The following SOX5 variants were observed in gnomAD, a reference collection of about 807,000 sequenced individuals.
SOX5 encodes transcription factor SOX-5.
A neutral mutation model predicts 92.0 loss-of-function variants in SOX5; 9 were observed. That is an observed-to-expected ratio of 0.10 (90% confidence interval 0.06 to 0.17). The LOEUF is 0.17. SOX5 is among the 10% of genes least tolerant of loss of function. The pLI, the probability that SOX5 is intolerant of heterozygous loss-of-function variation, is 1.00. For missense variants in SOX5, 642 were observed against 944.5 expected, an observed-to-expected ratio of 0.68 and a Z score of 4.20; for synonymous variants, 344 against 336.3, an observed-to-expected ratio of 1.02 and a Z score of -0.25.
chr12:24,314,732 A>G (rs1396578654), intron 2 of SOX5, among the ~76,000 whole-genome samples: 1 of 152,184 alleles, frequency 6.6e-6, no homozygotes, highest in African/African-American at 2.4e-5. Flanking sequence ...ATTCTGCTCC[A>G]GGCACATGGA....
intron 13 of SOX5, among the ~76,000 whole-genome samples, chr12:23,541,278 A>ATGAT (rs1388711632): frequency 6.6e-6 from 1 of 152,176 alleles, no homozygotes; most frequent in Non-Finnish European, 1.5e-5. Context: ...GTTTTAATTA[A>ATGAT]TGATTATCAC....
intron 2 of SOX5, among the ~76,000 whole-genome samples, chr12:24,363,510 A>G (rs1428508290): frequency 6.6e-6 from 1 of 152,232 alleles, no homozygotes; most frequent in East Asian, 1.9e-4. Flanking sequence ...TACATGATAC[A>G]AAATATATAG....
At chr12:23,556,581 C>T (rs968399001) in intron 11 of SOX5, among the ~76,000 whole-genome samples, 2 of 152,158 alleles carry the variant, frequency 1.3e-5, no homozygotes, top group East Asian at 3.9e-4. Context: ...ATCTTATTTT[C>T]CTCCAGAAGG....
At chr12:24,456,040 T>C (rs1172809787) in intron 1 of SOX5, among the ~76,000 whole-genome samples, 1 of 152,166 alleles carries the variant, frequency 6.6e-6, no homozygotes, top group African/African-American at 2.4e-5. Context: ...GGCGAAAGTC[T>C]TACTCCTCAC....
chr12:24,220,442 C>A (rs544800855), intron 3 of SOX5, among the ~76,000 whole-genome samples: 1 of 150,476 alleles, frequency 6.6e-6, no homozygotes, highest in East Asian at 1.9e-4. Context: ...TTCAGAATTA[C>A]AGGAATTTTT....
chr12:24,182,180 T>C (rs1452083606), intron 4 of SOX5, among the ~76,000 whole-genome samples: 1 of 152,158 alleles, frequency 6.6e-6, no homozygotes, highest in Non-Finnish European at 1.5e-5. Flanking sequence ...GAATAAATAC[T>C]TTCCAAAAGG....
chr12:23,736,001 G>A (rs1334699409), intron 5 of SOX5, among the ~76,000 whole-genome samples: 2 of 152,068 alleles, frequency 1.3e-5, no homozygotes, highest in Non-Finnish European at 2.9e-5. Context: ...ATGCTGAATG[G>A]ATATCTAATA....
chr12:23,807,299 C>A (rs899241314), intron 3 of SOX5, among the ~76,000 whole-genome samples: 9 of 152,076 alleles, frequency 5.9e-5, no homozygotes, highest in African/African-American at 2.2e-4. Context: ...ATGAATGTAA[C>A]CTTACTTGGG....
intron 2 of SOX5, among the ~76,000 whole-genome samples, chr12:24,294,204 T>C (rs1340154037): frequency 6.6e-6 from 1 of 152,116 alleles, no homozygotes; most frequent in Non-Finnish European, 1.5e-5. Flanking sequence ...CTGGGACCTC[T>C]TGTAGGACAG....
At position 23,818,598 on chromosome 12, in the gene SOX5, T is replaced by C. The variant is rs143800447; in HGVS notation, c.481+27385A>G. Among the ~76,000 whole-genome samples, 54 of 152,262 alleles carry C rather than the reference T, an allele frequency of 3.5e-4. No individual in the cohort carries two copies. In the East Asian group the frequency reaches 0.01, roughly 29 times the overall value. ...TTAAATCTATAACAAATATTTTTCT[T>C]CAATAATGAATTAACCTTAGCTTAC... On this transcript the variant is annotated intron_variant, in intron 3 of 14. Transcript: ENST00000451604.
intron 3 of SOX5, among the ~76,000 whole-genome samples, chr12:23,844,364 TCTG>T (rs2096552169): frequency 6.6e-6 from 1 of 152,190 alleles, no homozygotes; most frequent in African/African-American, 2.4e-5. Context: ...TTGGGGACCA[TCTG>T]CATAAAGCTA....
intron 1 of SOX5, among the ~76,000 whole-genome samples, chr12:23,917,339 G>A (rs1595626578): frequency 6.6e-6 from 1 of 152,008 alleles, no homozygotes; most frequent in Admixed American, 6.6e-5. Flanking sequence ...CCAAGAGTTC[G>A]AGACCAGCCT....
intron 3 of SOX5, among the ~76,000 whole-genome samples, chr12:24,245,236 T>TGC (rs1491485736): frequency 2.5e-3 from 10 of 3,960 alleles, no homozygotes; most frequent in Non-Finnish European, 5.2e-3. Flanking sequence ...TGGAGAGATT[T>TGC]GTGTGTGTGT....
chr12:24,371,459 C>G (rs1956734159), intron 1 of SOX5, among the ~76,000 whole-genome samples: 1 of 152,130 alleles, frequency 6.6e-6, no homozygotes, highest in Admixed American at 6.5e-5. Flanking sequence ...GACCTGTGAG[C>G]CAATAAATGG....
rs781489291 is a variant in SOX5 at position 23,687,364 on chromosome 12, C to T, written c.811-21800G>A. ...GCATATATATAAATATATGTGTATACGGTGTCATATAGTATGATACACACG... is the reference window on the plus strand; with the variant it reads ...GCATATATATAAATATATGTGTATATGGTGTCATATAGTATGATACACACG... On this transcript the variant is annotated intron_variant, in intron 6 of 14. Transcript: ENST00000451604. 1.2e-4 allele frequency among the ~76,000 whole-genome samples: 18 copies of T among 151,756 alleles called. 1 individual carries two copies. Among genetic ancestry groups the T allele is most frequent in the African/African-American group, 3.1e-4 (13 of 41,396 alleles).
chr12:23,796,901 A>G (rs1162944210), intron 3 of SOX5, among the ~76,000 whole-genome samples: 1 of 123,258 alleles, frequency 8.1e-6, no homozygotes, highest in Non-Finnish European at 1.7e-5. Context: ...ATATTTATAT[A>G]TATATTTATA....
chr12:24,465,798 G>A (rs1424938981), intron 1 of SOX5, among the ~76,000 whole-genome samples: 7 of 152,134 alleles, frequency 4.6e-5, no homozygotes, highest in South Asian at 2.1e-4. Flanking sequence ...AGTTGTTGAC[G>A]GCAAATCATT....
At chr12:23,880,227 T>C (rs1230268328) in intron 2 of SOX5, among the ~76,000 whole-genome samples, 1 of 152,174 alleles carries the variant, frequency 6.6e-6, no homozygotes, top group Non-Finnish European at 1.5e-5. Context: ...AAGCTCATCC[T>C]TCAACCCTTA....
intron 1 of SOX5, among the ~76,000 whole-genome samples, chr12:24,409,206 T>C (rs1244398707): frequency 6.6e-6 from 1 of 152,246 alleles, no homozygotes; most frequent in African/African-American, 2.4e-5. Flanking sequence ...GCCATCATCC[T>C]TAGCAAACTA....
Sources: allele counts gnomAD v4.1 joint callset (sites outside exome capture counted in the v4.1 genomes callset), GRCh38; gene constraint gnomAD v4.1.1; transcripts MANE v1.5; gene names NCBI Gene and HGNC (gene_info 2026-07-23, HGNC 2026-07-21).